GPHN: variants seen among roughly 807,000 people sequenced by gnomAD.
GPHN encodes gephyrin.
A neutral mutation model predicts 95.5 loss-of-function variants in GPHN; 17 were observed. The ratio of observed to expected loss-of-function variants is 0.18; its 90% confidence interval spans 0.12 to 0.27. GPHN has a LOEUF of 0.27. GPHN is among the 10% of genes least tolerant of loss of function. The pLI, the probability that GPHN is intolerant of heterozygous loss-of-function variation, is 1.00. For missense variants in GPHN, 660 were observed against 978.1 expected (o/e 0.67, Z 4.34); for synonymous variants, 320 against 322.5 (o/e 0.99, Z 0.08).
At chr14:66,682,078 A>C (rs187548717) in intron 2 of GPHN, among the ~76,000 whole-genome samples, 4 of 152,324 alleles carry the variant, frequency 2.6e-5, no homozygotes, top group Admixed American at 2.6e-4. Flanking sequence ...AAGATTATTG[A>C]TTCTTTAATG....
chr14:67,124,098 A>G (rs563835227), intron 17 of GPHN, among the ~76,000 whole-genome samples: 20 of 152,038 alleles, frequency 1.3e-4, no homozygotes, highest in African/African-American at 4.8e-4. Context: ...TTGTATTTGC[A>G]TGGATGTTTA....
intron 17 of GPHN, among the ~76,000 whole-genome samples, chr14:67,122,990 G>C (rs1003650829): frequency 2.6e-5 from 4 of 152,174 alleles, no homozygotes; most frequent in African/African-American, 9.7e-5. Flanking sequence ...TCTCATGTGT[G>C]ATCAAAAGCA....
chr14:67,576,349 C>T, the GPHN span: 1 of 1,118,248 alleles, frequency 8.9e-7, no homozygotes, highest in Middle Eastern at 2.3e-4. The surrounding 1 kb of genome is among the most constrained non-coding windows in gnomAD (Gnocchi z 4.0). Context: ...CTTGCCTCCA[C>T]TCTTCCCACC....
the GPHN span, among the ~76,000 whole-genome samples, chr14:67,519,713 TG>T: frequency 1.9e-4 from 14 of 73,076 alleles, no homozygotes; most frequent in Admixed American, 1.8e-3. Flanking sequence ...CCTGTAAGTT[TG>T]TTTTTTTTTT....
chr14:67,651,592 G>C, the GPHN span: 1 of 1,200,220 alleles, frequency 8.3e-7, no homozygotes, highest in South Asian at 1.5e-5. Flanking sequence ...CTGTATGTTT[G>C]ATCACACAGC....
the GPHN span, among the ~76,000 whole-genome samples, chr14:67,701,335 T>A: frequency 6.6e-6 from 1 of 151,746 alleles, no homozygotes; most frequent in Admixed American, 6.5e-5. Context: ...AAAATCTCAA[T>A]CTTTAGAAAC....
downstream of GPHN, among the ~76,000 whole-genome samples, chr14:67,183,094 G>A (rs1300764534): frequency 6.6e-6 from 1 of 151,888 alleles, no homozygotes; most frequent in African/African-American, 2.4e-5. Flanking sequence ...AGAATGACAG[G>A]TAATTAATGA....
the GPHN span, among the ~76,000 whole-genome samples, chr14:67,315,881 C>T: frequency 3.2e-4 from 49 of 152,304 alleles, 1 homozygote; most frequent in South Asian, 7.5e-3. Context: ...GCCAAGATTG[C>T]GCCACTGCAC....
chr14:66,823,723 GA>G (rs2061291407), intron 3 of GPHN, among the ~76,000 whole-genome samples: 1 of 152,006 alleles, frequency 6.6e-6, no homozygotes, highest in South Asian at 2.1e-4. Flanking sequence ...TGTCACTGAT[GA>G]ATTTGAGAAT....
chr14:67,155,580 C>G (rs1251781042), intron 18 of GPHN, among the ~76,000 whole-genome samples: 1 of 151,994 alleles, frequency 6.6e-6, no homozygotes, highest in African/African-American at 2.4e-5. Context: ...TCATAAGAAT[C>G]AAATTGAAAT....
At chr14:66,736,685 G>C (rs994898666) in intron 2 of GPHN, among the ~76,000 whole-genome samples, 1 of 152,028 alleles carries the variant, frequency 6.6e-6, no homozygotes, top group Admixed American at 6.6e-5. Flanking sequence ...GATTACATAC[G>C]TGAGCCACTG....
At chr14:66,565,450 C>T (rs2060423471) in intron 1 of GPHN, among the ~76,000 whole-genome samples, 3 of 152,056 alleles carry the variant, frequency 2.0e-5, no homozygotes, top group African/African-American at 2.4e-5. Flanking sequence ...AGACATGCAC[C>T]ACCACACCCA....
intron 20 of GPHN, among the ~76,000 whole-genome samples, chr14:67,168,058 C>T (rs985638129): frequency 2.0e-5 from 3 of 152,190 alleles, no homozygotes; most frequent in African/African-American, 7.2e-5. Flanking sequence ...GCTGCCATGA[C>T]AGAATACCAT....
At chr14:66,890,340 A>G (rs2064412412) in intron 5 of GPHN, among the ~76,000 whole-genome samples, 2 of 148,192 alleles carry the variant, frequency 1.3e-5, no homozygotes, top group African/African-American at 5.0e-5. Context: ...CCCAGGAGGT[A>G]GAGGCCACAC....
chr14:66,866,516 A>G (rs2063227775), intron 4 of GPHN, among the ~76,000 whole-genome samples: 1 of 152,184 alleles, frequency 6.6e-6, no homozygotes, highest in Non-Finnish European at 1.5e-5. Context: ...TAATTTAATT[A>G]TCAGATTAAT....
At chr14:67,635,086 A>C in the GPHN span, among the ~76,000 whole-genome samples, 23 of 150,840 alleles carry the variant, frequency 1.5e-4, no homozygotes, top group South Asian at 1.5e-3. Flanking sequence ...CTCTACAAAA[A>C]AATATAAATT....
At chr14:67,040,631 G>A (rs1482674307) in intron 10 of GPHN, among the ~76,000 whole-genome samples, 1 of 152,076 alleles carries the variant, frequency 6.6e-6, no homozygotes, top group Non-Finnish European at 1.5e-5. Context: ...CTTTAATATG[G>A]AACAAGTCTT....
the GPHN span, among the ~76,000 whole-genome samples, chr14:67,355,449 CA>C: frequency 0.016 from 307 of 18,912 alleles, 3 homozygotes; most frequent in Non-Finnish European, 0.017. Flanking sequence ...GACCCTGTCT[CA>C]AAAAAAAAAA....
At chr14:66,587,536 T>G (rs569585362) in intron 1 of GPHN, among the ~76,000 whole-genome samples, 1 of 152,156 alleles carries the variant, frequency 6.6e-6, no homozygotes, top group African/African-American at 2.4e-5. Flanking sequence ...CATGATCAAG[T>G]TGGATTTATT....
Sources: gnomAD v4.1 joint callset for allele counts (sites outside exome capture counted in the v4.1 genomes callset) on GRCh38, gnomAD v4.1.1 for gene constraint, Gnocchi (gnomAD v3.1) non-coding constraint, MANE v1.5 for transcripts, NCBI Gene and HGNC (gene_info 2026-07-23, HGNC 2026-07-21) for gene names.